AKAP19: variants seen among roughly 807,000 people sequenced by gnomAD.
AKAP19 encodes small A-kinase anchoring protein.
the AKAP19 span, among the ~76,000 whole-genome samples, chr2:190,078,334 T>C: frequency 6.6e-6 from 1 of 152,190 alleles, no homozygotes; most frequent in Admixed American, 6.5e-5. Context: ...TATTTTACCC[T>C]ATGTTCTAAT....
chr2:190,141,279 C>G, the AKAP19 span, among the ~76,000 whole-genome samples: 3 of 152,304 alleles, frequency 2.0e-5, no homozygotes, highest in Admixed American at 1.3e-4. Flanking sequence ...CAACCTCTGC[C>G]TGTTATGCAG....
chr2:190,091,459 C>T, the AKAP19 span, among the ~76,000 whole-genome samples: 1 of 151,816 alleles, frequency 6.6e-6, no homozygotes, highest in Non-Finnish European at 1.5e-5. Flanking sequence ...GAGTGACCTA[C>T]TTTTGAAAGT....
chr2:189,949,415 T>C, the AKAP19 span, among the ~76,000 whole-genome samples: 2 of 151,360 alleles, frequency 1.3e-5, no homozygotes, highest in Non-Finnish European at 2.9e-5. Context: ...CGGGCACCTG[T>C]AATCCAAGCT....
the AKAP19 span, among the ~76,000 whole-genome samples, chr2:190,007,361 A>G: frequency 6.6e-6 from 1 of 152,176 alleles, no homozygotes; most frequent in Non-Finnish European, 1.5e-5. Flanking sequence ...TACATCTCAA[A>G]TGGTATGCAC....
the AKAP19 span, chr2:189,930,863 G>C: frequency 1.4e-6 from 1 of 738,824 alleles, no homozygotes; most frequent in Non-Finnish European, 2.5e-6. Flanking sequence ...CTAGGTGTTG[G>C]ATGGTAGACT....
At chr2:190,043,520 T>C in the AKAP19 span, among the ~76,000 whole-genome samples, 1 of 152,216 alleles carries the variant, frequency 6.6e-6, no homozygotes, top group Admixed American at 6.5e-5. Context: ...AATCTTATAT[T>C]GTGTTATTCA....
the AKAP19 span, among the ~76,000 whole-genome samples, chr2:190,095,161 AC>A: frequency 6.6e-6 from 1 of 152,158 alleles, no homozygotes; most frequent in Admixed American, 6.5e-5. Flanking sequence ...GGCGGAGGTT[AC>A]AGTGAGCCAA....
chr2:190,153,127 C>G, the AKAP19 span, among the ~76,000 whole-genome samples: 1 of 152,116 alleles, frequency 6.6e-6, no homozygotes, highest in Admixed American at 6.5e-5. Flanking sequence ...GATCTTCTGA[C>G]CTTGTGATCT....
At chr2:190,057,175 G>A in the AKAP19 span, 2 of 1,478,364 alleles carry the variant, frequency 1.4e-6, no homozygotes, top group Non-Finnish European at 1.9e-6. Flanking sequence ...CCTATAGCCT[G>A]TGGTACTTAA....
the AKAP19 span, among the ~76,000 whole-genome samples, chr2:190,186,113 G>A: frequency 6.6e-6 from 1 of 150,620 alleles, no homozygotes; most frequent in African/African-American, 2.5e-5. This position sits in a 1 kb window ranked among gnomAD's most constrained non-coding sequence, Gnocchi z 5.5. Context: ...CACCACACCT[G>A]GCTGATTTTT....
At chr2:190,028,201 T>C in the AKAP19 span, among the ~76,000 whole-genome samples, 4 of 152,118 alleles carry the variant, frequency 2.6e-5, no homozygotes, top group South Asian at 4.1e-4. Context: ...CATAAAAGGA[T>C]GTTTGTATGG....
the AKAP19 span, among the ~76,000 whole-genome samples, chr2:190,074,280 G>C: frequency 5.9e-5 from 9 of 152,204 alleles, no homozygotes; most frequent in African/African-American, 1.9e-4. Context: ...AGAAATGAGA[G>C]GGGAATATCA....
the AKAP19 span, among the ~76,000 whole-genome samples, chr2:190,151,409 G>A: frequency 6.6e-6 from 1 of 152,110 alleles, no homozygotes; most frequent in South Asian, 2.1e-4. Context: ...CCCTCCCTGT[G>A]ACCATGTGTT....
the AKAP19 span, chr2:190,091,100 A>G: frequency 6.6e-6 from 1 of 152,248 alleles, no homozygotes; most frequent in Non-Finnish European, 1.5e-5. Context: ...ACACAATTTG[A>G]GAACTGAATT....
At chr2:190,096,854 C>T in the AKAP19 span, among the ~76,000 whole-genome samples, 3 of 152,088 alleles carry the variant, frequency 2.0e-5, no homozygotes, top group African/African-American at 7.2e-5. Context: ...CTCATGGCAT[C>T]CTCACATGGT....
the AKAP19 span, among the ~76,000 whole-genome samples, chr2:190,138,494 T>G: frequency 6.6e-6 from 1 of 152,230 alleles, no homozygotes; most frequent in Non-Finnish European, 1.5e-5. Flanking sequence ...CACTAAATAC[T>G]TAAGTGTACA....
At chr2:190,104,370 A>C in the AKAP19 span, among the ~76,000 whole-genome samples, 2 of 152,258 alleles carry the variant, frequency 1.3e-5, no homozygotes, top group Non-Finnish European at 2.9e-5. Flanking sequence ...TCTATAGAGC[A>C]AAAGAAACTA....
the AKAP19 span, among the ~76,000 whole-genome samples, chr2:190,029,907 G>T: frequency 3.3e-5 from 5 of 152,040 alleles, no homozygotes; most frequent in African/African-American, 9.7e-5. Flanking sequence ...ACAGTAGATG[G>T]CTCTGCATGG....
chr2:190,136,580 CTT>C, the AKAP19 span, among the ~76,000 whole-genome samples: 3 of 152,154 alleles, frequency 2.0e-5, no homozygotes, highest in African/African-American at 7.2e-5. Context: ...TGTACCTACT[CTT>C]TGCCCTCTGC....
Sources: gnomAD v4.1 joint callset for allele counts (sites outside exome capture counted in the v4.1 genomes callset) on GRCh38, gnomAD v4.1.1 for gene constraint, Gnocchi (gnomAD v3.1) non-coding constraint, MANE v1.5 for transcripts, NCBI Gene and HGNC (gene_info 2026-07-23, HGNC 2026-07-21) for gene names.